Variants in NUP210 observed in about 807,000 individuals in gnomAD.
The protein encoded by NUP210 is nucleoporin 210.
NUP210 carries 151 observed loss-of-function variants against 196.0 expected under a neutral mutation model. The ratio of observed to expected loss-of-function variants is 0.77; its 90% CI spans 0.67 to 0.88. NUP210 has a LOEUF of 0.88. Among genes scored for constraint, NUP210 ranks in the 40% least tolerant of loss-of-function variants. The probability of loss-of-function intolerance (pLI) is 0.00; values close to 1 mark genes in which losing one functional copy is unlikely to be tolerated. For synonymous variants in NUP210, 1,070 were observed against 1,052.7 expected (o/e 1.02, Z -0.32); for missense variants, 2,314 against 2,493.7 (o/e 0.93, Z 1.53).
Position 13,321,798 on chromosome 3 carries a change from C to G in NUP210, c.4953G>C (p.Thr1651=). 1 of 1,609,946 alleles carries G rather than the reference C, an allele frequency of 6.2e-7. No individual in the cohort carries two copies. Among genetic ancestry groups the G allele is most frequent in the South Asian group, 1.1e-5 (1 of 91,082 alleles). ...YFCSITMHRL[T]DKQRKHLSMK... is the part of the protein sequence containing the mutation. ...TGCTCAGGTGCTTCCGCTGCTTGTC[C>G]GTCAGCCTGTGCATTGTGATTGAGC... is the stretch of plus-strand genomic sequence containing the variant. Residue 1651 remains threonine (T), a synonymous_variant, in exon 36 of 40, where the codon ACG becomes ACC. Coordinates refer to ENST00000254508, the MANE Select transcript of NUP210 (RefSeq NM_024923.4).
At chr3:13,366,116 G>A (rs1698525249) in intron 13 of NUP210, 25 bp from the exon 14 acceptor site, 1 of 1,603,904 alleles carries the variant, frequency 6.2e-7, no homozygotes, top group Middle Eastern at 1.7e-4. Flanking sequence ...GAACTAGATG[G>A]TCACCCTGAA....
chr3:13,348,992 C>A lies in NUP210; in HGVS notation c.2835+2887G>T. The stretch of plus-strand genomic sequence containing the variant: ...AAGCTCTTGCCTCACAGGCCCACAC[C>A]CCCACACATCAAAAAACAGCCGGAG... On this transcript the variant is annotated intron_variant, in intron 20 of 39. Transcript: ENST00000254508. The surrounding 1 kb of genome is among the most constrained non-coding windows in gnomAD (Gnocchi z 4.0). 1.3e-6 allele frequency: 1 copy of A among 770,738 alleles called. No homozygotes were observed. The highest frequency in any genetic ancestry group is 1.6e-6 in the Non-Finnish European group (1 of 633,666). The allele number at this position is 770,738 out of a possible 1,614,324, so 47.7% of individuals were successfully genotyped here. A position where few individuals can be genotyped will look rare whatever the true frequency, so the allele number is the denominator to read the frequency against.
intron 25 of NUP210, among the ~76,000 whole-genome samples, chr3:13,338,714 A>G (rs556204955): frequency 6.6e-6 from 1 of 152,324 alleles, no homozygotes; most frequent in South Asian, 2.1e-4. Flanking sequence ...AAGGCGCCGC[A>G]GGTGAAACCT....
At chr3:13,353,375 A>G (rs934821053) in intron 18 of NUP210, among the ~76,000 whole-genome samples, 179 bp downstream of exon 18, 4 of 152,098 alleles carry the variant, frequency 2.6e-5, no homozygotes, top group African/African-American at 4.8e-5. Context: ...CAATGTACCT[A>G]TTGGTCCCCT....
chr3:13,358,487 C>G (rs1698263431), intron 15 of NUP210, 92 bp from the exon 16 acceptor site: 1 of 1,276,652 alleles, frequency 7.8e-7, no homozygotes, highest in African/African-American at 1.5e-5. Context: ...CCCTCTGACT[C>G]AGTTTTCTCC....
intron 21 of NUP210, among the ~76,000 whole-genome samples, chr3:13,342,462 C>T (rs1252476355): frequency 6.6e-6 from 1 of 152,192 alleles, no homozygotes; most frequent in African/African-American, 2.4e-5. Context: ...GTGTATAATA[C>T]AGTAAGAACT....
chr3:13,328,830 G>A lies in NUP210; in HGVS notation c.4227C>T (p.His1409=), dbSNP rs776526720. The change falls in exon 31 of 40, where the codon CAC becomes CAT. Residue 1409 remains histidine (H), a synonymous_variant. Coordinates refer to ENST00000254508, the MANE Select transcript of NUP210 (RefSeq NM_024923.4). ...CATGGAAGACATCTCCAGAGTTGTCGTGGAAGTGGACAGTGAAGGTCACGG... is the reference window on the plus strand; with the variant it reads ...CATGGAAGACATCTCCAGAGTTGTCATGGAAGTGGACAGTGAAGGTCACGG... ...GMTVTFTVHF[H]DNSGDVFHAH... is the part of the protein sequence containing the mutation. 12 of 1,614,068 alleles carry A rather than the reference G, an allele frequency of 7.4e-6. No homozygotes were observed. The highest frequency in any genetic ancestry group is 4.5e-5 in the East Asian group (2 of 44,904).
chr3:13,339,820 ACAGCTGCC>A, intron 25 of NUP210, 26 bp downstream of exon 25: 2 of 1,570,622 alleles, frequency 1.3e-6, no homozygotes, highest in East Asian at 2.2e-5. Flanking sequence ...TGTCCCAGGC[ACAGCTGCC>A]CAGTCTCCAA....
chr3:13,383,816 C>G (rs1303542363), intron 6 of NUP210, among the ~76,000 whole-genome samples: 1 of 151,734 alleles, frequency 6.6e-6, no homozygotes, highest in Non-Finnish European at 1.5e-5. Context: ...TGTGAGCCAC[C>G]GTGCCTGGCC....
At chr3:13,410,290 C>A (rs925395577) in intron 1 of NUP210, among the ~76,000 whole-genome samples, 7 of 152,054 alleles carry the variant, frequency 4.6e-5, no homozygotes, top group Admixed American at 3.9e-4. Flanking sequence ...AAGTGATTCT[C>A]CTGCCTCAGC....
At chr3:13,327,094 A>G in intron 32 of NUP210, 123 bp downstream of exon 32, 1 of 694,014 alleles carries the variant, frequency 1.4e-6, no homozygotes, top group Non-Finnish European at 2.4e-6. Flanking sequence ...ACTGCTCCTG[A>G]GTATCCTGCA....
intron 20 of NUP210, among the ~76,000 whole-genome samples, chr3:13,344,049 T>A (rs1279912333): frequency 1.3e-5 from 2 of 152,204 alleles, no homozygotes; most frequent in African/African-American, 4.8e-5. Context: ...CATTTGTTTA[T>A]TTTATTTATT....
At chr3:13,361,766 C>T (rs1245996260) in intron 14 of NUP210, among the ~76,000 whole-genome samples, 1 of 152,214 alleles carries the variant, frequency 6.6e-6, no homozygotes, top group African/African-American at 2.4e-5. Context: ...CTATTCCACG[C>T]ACCCACGGCC....
intron 12 of NUP210, 125 bp downstream of exon 12, chr3:13,373,593 T>G: frequency 3.5e-4 from 313 of 888,958 alleles, no homozygotes; most frequent in Non-Finnish European, 4.8e-4. Context: ...GGCTGGGGCT[T>G]GAGCTCCTAA....
rs139317581 is a variant in NUP210, at chr3:13,325,851, C to T, written c.4588G>A (p.Val1530Met). ...TCATAGTAAACCGTCACGGATCCCA[C>T]GGCCCGGGCCACAGCCACACCCGTC... Reference protein sequence around the residue: ...PKTGVAVARAVGSVTVYYEVA... With the variant: ...PKTGVAVARAMGSVTVYYEVA... The change falls in exon 33 of 40, where the codon GTG (valine) becomes ATG (methionine). Residue 1530 changes from valine to methionine, a missense_variant. Physicochemically the swap from Val to Met is conservative, Grantham distance 21. Transcript: ENST00000254508. 8.7e-6 allele frequency: 14 copies of T among 1,613,950 alleles called. No homozygotes were observed. Among genetic ancestry groups the T allele is most frequent in the South Asian group, 4.4e-5 (4 of 91,086 alleles).
At chr3:13,389,457 C>T (rs1284335151) in intron 4 of NUP210, among the ~76,000 whole-genome samples, 1 of 152,186 alleles carries the variant, frequency 6.6e-6, no homozygotes, top group African/African-American at 2.4e-5. Flanking sequence ...GGGCAGGAGG[C>T]TGAGGCTCAG....
At chr3:13,370,034 T>C (rs1225791562) in intron 13 of NUP210, among the ~76,000 whole-genome samples, 6 of 152,210 alleles carry the variant, frequency 3.9e-5, no homozygotes, top group Non-Finnish European at 8.8e-5. Flanking sequence ...AATTTGTTTC[T>C]TTAGCTGAGT....
intron 37 of NUP210, 110 bp from the exon 38 acceptor site, chr3:13,319,435 A>T: frequency 3.3e-6 from 3 of 919,370 alleles, no homozygotes; most frequent in Non-Finnish European, 5.2e-6. Context: ...TCCCTCTTAG[A>T]TGTAAGGATG....
chr3:13,327,860 T>C (rs556030503), intron 31 of NUP210, among the ~76,000 whole-genome samples: 1 of 152,038 alleles, frequency 6.6e-6, no homozygotes, highest in South Asian at 2.1e-4. Context: ...CTCTGAAAAA[T>C]GGGGATCATC....
Sources: gnomAD v4.1 joint callset for allele counts (sites outside exome capture counted in the v4.1 genomes callset) on GRCh38, gnomAD v4.1.1 for gene constraint, Gnocchi (gnomAD v3.1) non-coding constraint, MANE v1.5 for transcripts, NCBI Gene and HGNC (gene_info 2026-07-23, HGNC 2026-07-21) for gene names.